The following SH3BP4 variants were observed in gnomAD, a reference collection of about 807,000 sequenced individuals.
SH3BP4 encodes SH3 domain binding protein 4.
In SH3BP4, 33 loss-of-function variants were observed where a neutral mutation model predicts 65.5. The ratio of observed to expected loss-of-function variants is 0.50; its 90% CI spans 0.38 to 0.67. The LOEUF (loss-of-function observed/expected upper bound fraction) is 0.67. SH3BP4 is among the 30% of genes least tolerant of loss of function. SH3BP4 has a pLI of 0.00. For missense variants in SH3BP4, 1,134 were observed against 1,261.4 expected (o/e 0.90, Z 1.53); for synonymous variants, 552 against 545.5 (o/e 1.01, Z -0.17).
At chr2:235,024,289 G>T (rs981767006) in intron 2 of SH3BP4, among the ~76,000 whole-genome samples, 1 of 152,192 alleles carries the variant, frequency 6.6e-6, no homozygotes, top group African/African-American at 2.4e-5. Context: ...CCTAAGCGAC[G>T]CCCTGAGGGC....
intron 2 of SH3BP4, among the ~76,000 whole-genome samples, chr2:235,029,765 C>T (rs572935532): frequency 3.9e-5 from 6 of 152,296 alleles, no homozygotes; most frequent in East Asian, 3.9e-4. Flanking sequence ...GACCAGTTCA[C>T]GGGTGCGGCA....
At chr2:235,018,726 AC>A (rs966086892) in intron 2 of SH3BP4, among the ~76,000 whole-genome samples, 1 of 152,006 alleles carries the variant, frequency 6.6e-6, no homozygotes, top group African/African-American at 2.4e-5. Context: ...ACTTTTTTAA[AC>A]CCATTTTCCT....
At chr2:234,988,606 A>C (rs1301314039) in intron 1 of SH3BP4, among the ~76,000 whole-genome samples, 1 of 152,086 alleles carries the variant, frequency 6.6e-6, no homozygotes, top group Non-Finnish European at 1.5e-5. Context: ...CCGTCTTCAC[A>C]CTCAAAGGCA....
chr2:234,992,463 G>A (rs954045787), intron 1 of SH3BP4, among the ~76,000 whole-genome samples: 3 of 151,902 alleles, frequency 2.0e-5, no homozygotes, highest in East Asian at 1.9e-4. Context: ...AGATGGATGC[G>A]TTCCTGCCAT....
chr2:235,053,870 G>A lies in SH3BP4; in HGVS notation c.*54G>A, dbSNP rs559766068. 9.6e-5 allele frequency: 132 copies of A among 1,376,324 alleles called. No individual in the cohort carries two copies. The highest frequency in any genetic ancestry group is 4.3e-4 in the African/African-American group (30 of 70,210). 85.3% of individuals were successfully genotyped at this position (1,376,324 alleles called of 1,614,324 possible). A position where few individuals can be genotyped will look rare whatever the true frequency, so the allele number is the denominator to read the frequency against. ...GAGTGCAAGCCCTCTTCTGCCCTGCGTGCCCTGCTGTCACCGCGGAGCTGA... is the reference window on the plus strand; with the variant it reads ...GAGTGCAAGCCCTCTTCTGCCCTGCATGCCCTGCTGTCACCGCGGAGCTGA... On this transcript the variant is annotated 3_prime_UTR_variant, in exon 6 of 6. Coordinates refer to ENST00000392011, the MANE Select transcript of SH3BP4 (RefSeq NM_014521.3).
chr2:235,038,249 T>TATATACTATATAG (rs766333800), intron 3 of SH3BP4, among the ~76,000 whole-genome samples: 37 of 34,422 alleles, frequency 1.1e-3, no homozygotes, highest in East Asian at 4.9e-3. Flanking sequence ...TATATATATA[T>TATATACTATATAG]TATATATAAT....
chr2:235,044,721 T>G (rs1357379430), intron 4 of SH3BP4, among the ~76,000 whole-genome samples: 1 of 152,136 alleles, frequency 6.6e-6, no homozygotes, highest in Non-Finnish European at 1.5e-5. Context: ...TAGACACAGG[T>G]GTGCAGGCAA....
chr2:235,042,483 C>T lies in SH3BP4; in HGVS notation c.1714C>T (p.Leu572=). 6.2e-7 allele frequency: 1 copy of T among 1,614,206 alleles called. No homozygotes were observed. Among genetic ancestry groups the T allele is most frequent in the Non-Finnish European group, 8.5e-7 (1 of 1,180,038 alleles). The part of the protein sequence containing the change: ...FQLKLGKVSR[L]IFPITSQNPN... ...GCTGAAGCTGGGCAAGGTGAGCCGCCTGATCTTCCCCATCACCTCCCAGAA... is the reference window on the plus strand; with the variant it reads ...GCTGAAGCTGGGCAAGGTGAGCCGCTTGATCTTCCCCATCACCTCCCAGAA... The change falls in exon 4 of 6, where the codon CTG becomes TTG. Residue 572 remains leucine, a synonymous_variant. Transcript: ENST00000392011. This position sits in a 1 kb window ranked among gnomAD's most constrained non-coding sequence, Gnocchi z 7.3.
In SH3BP4 at chr2:235,042,590, G is replaced by C. The variant is rs774390214; in HGVS notation, c.1821G>C (p.Gln607His). 2 of 1,614,088 alleles carry C rather than the reference G, an allele frequency of 1.2e-6. No homozygotes were observed. Among genetic ancestry groups the C allele is most frequent in the South Asian group, 2.2e-5 (2 of 91,068 alleles). ...QEAILTQFCV[Q>H]TPQPPPKSAI... ...CCATCCTCACCCAGTTTTGTGTCCA[G>C]ACTCCTCAGCCACCCCCTAAAAGTG... Residue 607 changes from glutamine to histidine, a missense_variant, in exon 4 of 6, where the codon CAG becomes CAC. Physicochemically the swap from Gln to His is conservative, Grantham distance 24. Transcript: ENST00000392011. This position sits in a 1 kb window ranked among gnomAD's most constrained non-coding sequence, Gnocchi z 7.3.
At chr2:235,006,559 G>A (rs1271014763) in intron 2 of SH3BP4, among the ~76,000 whole-genome samples, 1 of 152,126 alleles carries the variant, frequency 6.6e-6, no homozygotes. Context: ...GCTCCCAAGG[G>A]CCTGTGCTCT....
chr2:235,010,971 T>C (rs999486213), intron 2 of SH3BP4, among the ~76,000 whole-genome samples: 5 of 149,176 alleles, frequency 3.4e-5, no homozygotes, highest in Admixed American at 1.3e-4. Flanking sequence ...TTCTTCCCTC[T>C]TCTAGGAGAA....
intron 2 of SH3BP4, among the ~76,000 whole-genome samples, chr2:235,011,732 A>T (rs1206769720): frequency 2.0e-5 from 3 of 152,236 alleles, no homozygotes; most frequent in African/African-American, 7.2e-5. Context: ...TCCAGTTCTG[A>T]TAACTCTCTG....
chr2:235,042,624 C>A lies in SH3BP4; in HGVS notation c.1855C>A (p.Pro619Thr), dbSNP rs763529794. 3 of 1,614,120 alleles carry A rather than the reference C, an allele frequency of 1.9e-6. No individual in the cohort carries two copies. Among genetic ancestry groups the A allele is most frequent in the African/African-American group, 2.7e-5 (2 of 75,032 alleles). Residue 619 changes from proline (P) to threonine (T), a missense_variant, in exon 4 of 6, where the codon CCT (proline) becomes ACT (threonine). Pro to Thr is a conservative substitution (Grantham distance 38). Coordinates refer to ENST00000392011, the MANE Select transcript of SH3BP4 (RefSeq NM_014521.3). This position sits in a 1 kb window ranked among gnomAD's most constrained non-coding sequence, Gnocchi z 7.3. ...PQPPPKSAIK[P>T]SGQRRFLKKN... ...GCCACCCCCTAAAAGTGCCATCAAG[C>A]CTTCCGGGCAAAGGAGGTTTCTCAA...
chr2:235,044,263 AG>A (rs937756971), intron 4 of SH3BP4, among the ~76,000 whole-genome samples: 1 of 152,218 alleles, frequency 6.6e-6, no homozygotes, highest in African/African-American at 2.4e-5. Context: ...AAGAAATAAA[AG>A]GGGGAAGTAA....
Position 234,952,477 on chromosome 2 carries a change from C to G in SH3BP4, c.-207+307C>G, listed in dbSNP as rs1200972214. ...CCTCCGCGTGCGCTCGGGCCGCCCCCCAACCCCGGCTCTGGCCACTTCCCG... is the reference window on the plus strand; with the variant it reads ...CCTCCGCGTGCGCTCGGGCCGCCCCGCAACCCCGGCTCTGGCCACTTCCCG... On this transcript the variant is annotated intron_variant, in intron 1 of 5. Transcript: ENST00000392011. The surrounding 1 kb of genome is among the most constrained non-coding windows in gnomAD (Gnocchi z 6.5). Among the ~76,000 whole-genome samples, 10 of 151,486 alleles carry G rather than the reference C, an allele frequency of 6.6e-5. No homozygotes were observed. The highest frequency in any genetic ancestry group is 1.2e-4 in the Non-Finnish European group (8 of 67,840).
intron 2 of SH3BP4, among the ~76,000 whole-genome samples, chr2:235,014,686 C>T (rs147734014): frequency 1.3e-5 from 2 of 152,304 alleles, no homozygotes; most frequent in Non-Finnish European, 2.9e-5. Context: ...GTCACCTTCT[C>T]ACCGGGTCTT....
intron 2 of SH3BP4, among the ~76,000 whole-genome samples, chr2:235,012,222 G>T (rs1052726479): frequency 1.3e-5 from 2 of 152,154 alleles, no homozygotes; most frequent in African/African-American, 4.8e-5. Context: ...GATGGGAAGC[G>T]CCCTGACCTC....
intron 2 of SH3BP4, among the ~76,000 whole-genome samples, chr2:235,018,187 T>C (rs1439946784): frequency 1.3e-5 from 2 of 152,140 alleles, no homozygotes; most frequent in South Asian, 2.1e-4. Flanking sequence ...ATTGTTTCCA[T>C]GTAACTTGTA....
Position 235,030,586 on chromosome 2 carries a change from G to A in SH3BP4, c.-132-4285G>A, listed in dbSNP as rs150820468. Among the ~76,000 whole-genome samples, 116 of 151,860 alleles carry A rather than the reference G, an allele frequency of 7.6e-4. 2 individuals are homozygous for A. The East Asian group carries it at 0.021, about 27-fold the overall frequency. On this transcript the variant is annotated intron_variant, in intron 2 of 5. Coordinates refer to ENST00000392011, the MANE Select transcript of SH3BP4 (RefSeq NM_014521.3). The surrounding 1 kb of genome is among the most constrained non-coding windows in gnomAD (Gnocchi z 4.1). ...TGGGTGATCCAGGGGAGATTGAGAG[G>A]TTATCACCCAGAGGTGGCCAGTGAG...
Sources: gnomAD v4.1 joint callset for allele counts (sites outside exome capture counted in the v4.1 genomes callset) on GRCh38, gnomAD v4.1.1 for gene constraint, Gnocchi (gnomAD v3.1) non-coding constraint, MANE v1.5 for transcripts, NCBI Gene and HGNC (gene_info 2026-07-23, HGNC 2026-07-21) for gene names.